Variants in BMPR1B observed in about 807,000 individuals in gnomAD.
The protein encoded by BMPR1B is bone morphogenetic protein receptor type-1B.
A neutral mutation model predicts 59.1 loss-of-function variants in BMPR1B; 12 were observed. That is an observed-to-expected ratio of 0.20 (90% CI 0.13 to 0.33). The LOEUF is 0.33. Ranked by LOEUF, BMPR1B falls within the 10% of genes least tolerant of loss-of-function variation. The pLI is 1.00. For missense variants in BMPR1B, 550 were observed against 610.9 expected, an observed-to-expected ratio of 0.90 and a Z score of 1.05; for synonymous variants, 237 against 207.3, an observed-to-expected ratio of 1.14 and a Z score of -1.23.
intron 2 of BMPR1B, among the ~76,000 whole-genome samples, chr4:94,903,504 A>G (rs1005928085): frequency 3.3e-5 from 5 of 149,986 alleles, no homozygotes; most frequent in African/African-American, 1.2e-4. Context: ...GTAAAGTTGT[A>G]TATTACTTAC....
intron 3 of BMPR1B, among the ~76,000 whole-genome samples, chr4:95,041,781 A>G (rs1725670534): frequency 6.6e-6 from 1 of 152,154 alleles, no homozygotes; most frequent in Non-Finnish European, 1.5e-5. Context: ...CCTCCCGCAC[A>G]GGGTGGCAGT....
chr4:94,823,350 T>G (rs565852122), intron 1 of BMPR1B, among the ~76,000 whole-genome samples: 1 of 152,190 alleles, frequency 6.6e-6, no homozygotes, highest in Non-Finnish European at 1.5e-5. Flanking sequence ...GAAAGTTAGC[T>G]TGGTTCACTA....
At chr4:95,024,971 C>T (rs527743951) in intron 3 of BMPR1B, among the ~76,000 whole-genome samples, 34 of 152,074 alleles carry the variant, frequency 2.2e-4, no homozygotes, top group East Asian at 1.4e-3. Context: ...CGTGGTGGTG[C>T]GTGCCTGTAG....
In BMPR1B at chr4:95,118,900, A is replaced by C. The variant is rs190345002; in HGVS notation, c.349+3113A>C. 8.4e-4 allele frequency among the ~76,000 whole-genome samples: 128 copies of C among 152,330 alleles called. 1 individual carries two copies. The highest frequency in any genetic ancestry group is 6.8e-3 in the Middle Eastern group (2 of 294). On this transcript the variant is annotated intron_variant, in intron 6 of 12. Transcript: ENST00000515059. ...GCAAATAAAAGGCAAATGGGAAGGT[A>C]AAGCTAGCCTTAAATAAAGTGCTTG...
intron 2 of BMPR1B, among the ~76,000 whole-genome samples, chr4:94,916,308 G>A (rs1029959200): frequency 2.0e-5 from 3 of 152,092 alleles, no homozygotes; most frequent in African/African-American, 7.2e-5. Context: ...AGGAAAATTT[G>A]GGATTTCTTA....
At chr4:94,810,222 G>GT (rs149056945) in intron 1 of BMPR1B, among the ~76,000 whole-genome samples, 10 of 152,262 alleles carry the variant, frequency 6.6e-5, no homozygotes, top group Non-Finnish European at 1.3e-4. Context: ...TATTTTTACT[G>GT]TTTTTTGTTA....
chr4:94,962,105 T>G (rs1730386350), intron 2 of BMPR1B, among the ~76,000 whole-genome samples: 1 of 136,916 alleles, frequency 7.3e-6, no homozygotes, highest in Non-Finnish European at 1.5e-5. Context: ...CCTTCCTTCC[T>G]TCCTTCCTTC....
chr4:95,097,135 T>C (rs541100851), intron 3 of BMPR1B, among the ~76,000 whole-genome samples: 23 of 65,942 alleles, frequency 3.5e-4, no homozygotes, highest in Non-Finnish European at 6.3e-4. Flanking sequence ...TTAATTTATA[T>C]ATAACTAATA....
At chr4:95,096,363 C>T (rs1730374172) in intron 3 of BMPR1B, among the ~76,000 whole-genome samples, 1 of 151,162 alleles carries the variant, frequency 6.6e-6, no homozygotes, top group African/African-American at 2.4e-5. Context: ...CTTTTTAGTC[C>T]TTGTAATTGA....
intron 2 of BMPR1B, among the ~76,000 whole-genome samples, chr4:94,986,868 C>T (rs1007678353): frequency 4.0e-5 from 6 of 151,680 alleles, no homozygotes; most frequent in Admixed American, 1.3e-4. Context: ...GGTGAAACCC[C>T]GTCTCTACTA....
intron 3 of BMPR1B, among the ~76,000 whole-genome samples, chr4:95,098,099 A>G (rs1221742913): frequency 3.3e-5 from 5 of 152,126 alleles, no homozygotes; most frequent in Non-Finnish European, 7.4e-5. Flanking sequence ...AAATGTGAGA[A>G]AGTACATTCT....
At chr4:94,778,759 A>G (rs1328116345) in intron 1 of BMPR1B, among the ~76,000 whole-genome samples, 1 of 152,258 alleles carries the variant, frequency 6.6e-6, no homozygotes, top group Admixed American at 6.5e-5. Flanking sequence ...TGATGTTTTC[A>G]TGATTGTTAA....
At chr4:95,039,369 G>A (rs938737432) in intron 3 of BMPR1B, among the ~76,000 whole-genome samples, 8 of 150,766 alleles carry the variant, frequency 5.3e-5, no homozygotes, top group South Asian at 2.1e-4. Flanking sequence ...TCTCTGTGCT[G>A]TGAAATTTTC....
chr4:94,822,254 C>T (rs1053568059), intron 1 of BMPR1B, among the ~76,000 whole-genome samples: 1 of 152,132 alleles, frequency 6.6e-6, no homozygotes, highest in African/African-American at 2.4e-5. Context: ...AAAGGTCCCA[C>T]CTCCCAACAC....
chr4:94,950,117 G>A (rs533875629), intron 2 of BMPR1B, among the ~76,000 whole-genome samples: 6 of 152,122 alleles, frequency 3.9e-5, no homozygotes, highest in Non-Finnish European at 8.8e-5. Context: ...CATATCCTTT[G>A]CCCACTTTTT....
chr4:95,030,721 C>A (rs1294581168), intron 3 of BMPR1B, among the ~76,000 whole-genome samples: 2 of 152,012 alleles, frequency 1.3e-5, no homozygotes, highest in African/African-American at 2.4e-5. Context: ...TCTTATACAC[C>A]AATAACAGAC....
intron 3 of BMPR1B, among the ~76,000 whole-genome samples, chr4:95,023,018 GTTTC>G (rs766204270): frequency 1.3e-5 from 2 of 151,994 alleles, no homozygotes; most frequent in South Asian, 2.1e-4. Context: ...ACTTCAGATG[GTTTC>G]TTTATTTCCA....
At chr4:94,982,787 A>G (rs1721173329) in intron 2 of BMPR1B, among the ~76,000 whole-genome samples, 1 of 152,100 alleles carries the variant, frequency 6.6e-6, no homozygotes, top group East Asian at 1.9e-4. Context: ...GATCAAGACC[A>G]TCCTGGCTAA....
At chr4:94,942,801 A>T (rs1343139667) in intron 2 of BMPR1B, among the ~76,000 whole-genome samples, 2 of 152,228 alleles carry the variant, frequency 1.3e-5, no homozygotes, top group Non-Finnish European at 2.9e-5. Context: ...ATAGGATAGA[A>T]TATGTTCATG....
Sources: gnomAD v4.1 joint callset for allele counts (sites outside exome capture counted in the v4.1 genomes callset) on GRCh38, gnomAD v4.1.1 for gene constraint, MANE v1.5 for transcripts, NCBI Gene and HGNC (gene_info 2026-07-23, HGNC 2026-07-21) for gene names.